FLVCR1: variants seen among roughly 807,000 people sequenced by gnomAD.
The protein encoded by FLVCR1 is FLVCR choline and heme transporter 1.
FLVCR1 carries 34 observed loss-of-function variants against 53.6 expected under a neutral mutation model. That is an observed-to-expected ratio of 0.63 (90% CI 0.48 to 0.84). The LOEUF is 0.84. Among genes scored for constraint, FLVCR1 ranks in the 40% least tolerant of loss-of-function variants. FLVCR1 has a pLI of 0.00. For synonymous variants in FLVCR1, 300 were observed against 286.3 expected, an observed-to-expected ratio of 1.05 and a Z score of -0.48; for missense variants, 677 against 696.7, an observed-to-expected ratio of 0.97 and a Z score of 0.32.
rs1241351347 is a variant in FLVCR1 at position 212,862,247 on chromosome 1, A to AACTGTT, written c.739-1474_739-1469dup. ...GTTTAGTACATTTACAGTGTTGTGC[A>AACTGTT]ACTGTTACTTCTGTCTAGTTTCAAA... On this transcript the variant is annotated intron_variant, in intron 1 of 9. Transcript: ENST00000366971. 5.9e-5 allele frequency among the ~76,000 whole-genome samples: 9 copies of AACTGTT among 152,318 alleles called. No individual in the cohort carries two copies. The East Asian group carries it at 1.3e-3, about 23-fold the overall frequency.
rs192462839 is a variant in FLVCR1 at position 212,860,485 on chromosome 1, G to A, written c.738+1295G>A. Among the ~76,000 whole-genome samples the A allele has an allele frequency of 4.0e-5, 6 of 151,530 alleles. No individual in the cohort carries two copies. The East Asian group carries it at 1.2e-3, about 30-fold the overall frequency. On this transcript the variant is annotated intron_variant, in intron 1 of 9. Transcript: ENST00000366971. ...TTACAGGTGTGAACCACCACGCCCG[G>A]CCATGATTACATTTTCTTTGTCACA...
intron 1 of FLVCR1, among the ~76,000 whole-genome samples, chr1:212,861,947 G>C (rs1664255479): frequency 1.3e-5 from 2 of 152,136 alleles, no homozygotes; most frequent in Non-Finnish European, 2.9e-5. Context: ...TGGGATTACA[G>C]GTGTGAGCCA....
At chr1:212,876,695 T>G (rs1664762492) in intron 3 of FLVCR1, among the ~76,000 whole-genome samples, 1 of 152,168 alleles carries the variant, frequency 6.6e-6, no homozygotes, top group Admixed American at 6.6e-5. Context: ...TGCATAGTAT[T>G]CCATGGTGTA....
intron 3 of FLVCR1, among the ~76,000 whole-genome samples, chr1:212,877,916 C>T (rs1360193317): frequency 6.6e-6 from 1 of 151,988 alleles, no homozygotes; most frequent in East Asian, 1.9e-4. Flanking sequence ...GGCTCAGTAA[C>T]ACAAGAAAGA....
chr1:212,883,138 A>G (rs1664967325), intron 3 of FLVCR1, among the ~76,000 whole-genome samples: 1 of 152,164 alleles, frequency 6.6e-6, no homozygotes, highest in Non-Finnish European at 1.5e-5. Context: ...ATTAGGACAG[A>G]GTTCTGCTAT....
chr1:212,887,310 C>G (rs557317741), intron 5 of FLVCR1, among the ~76,000 whole-genome samples: 1 of 152,258 alleles, frequency 6.6e-6, no homozygotes, highest in East Asian at 1.9e-4. Context: ...TGTTCTTTGC[C>G]ACTGTGGCTT....
At chr1:212,874,076 C>T (rs574228585) in intron 3 of FLVCR1, among the ~76,000 whole-genome samples, 38 of 152,292 alleles carry the variant, frequency 2.5e-4, no homozygotes, top group African/African-American at 8.7e-4. Flanking sequence ...GGCACAATCT[C>T]AGCTCATTGC....
chr1:212,859,880 G>A (rs1271855374), intron 1 of FLVCR1, among the ~76,000 whole-genome samples: 1 of 152,174 alleles, frequency 6.6e-6, no homozygotes, highest in Non-Finnish European at 1.5e-5. Context: ...TGGGTTCTGG[G>A]AAGATTGTTT....
intron 3 of FLVCR1, among the ~76,000 whole-genome samples, chr1:212,873,933 G>A (rs1313269092): frequency 6.6e-6 from 1 of 152,056 alleles, no homozygotes; most frequent in Non-Finnish European, 1.5e-5. Flanking sequence ...CATATCCTGT[G>A]TATGGCATCA....
Position 212,858,863 on chromosome 1 carries a change from C to T in FLVCR1, c.411C>T (p.Gly137=), listed in dbSNP as rs1664125372. Residue 137 remains glycine, a synonymous_variant, in exon 1 of 10, where the codon GGC becomes GGT. Transcript: ENST00000366971. ...QYSIISNVFE[G]FYGVTLLHID... is the part of the protein sequence containing the mutation. ...GCATCATTAGCAACGTCTTCGAGGGCTTCTACGGTGTCACCTTGCTGCACA... is the reference window on the plus strand; with the variant it reads ...GCATCATTAGCAACGTCTTCGAGGGTTTCTACGGTGTCACCTTGCTGCACA... The T allele has an allele frequency of 2.5e-6, 4 of 1,614,126 alleles. No individual in the cohort carries two copies. Among genetic ancestry groups the T allele is most frequent in the Non-Finnish European group, 3.4e-6 (4 of 1,180,040 alleles).
At chr1:212,893,593 TA>T (rs1665255782) in intron 8 of FLVCR1, among the ~76,000 whole-genome samples, 1 of 152,174 alleles carries the variant, frequency 6.6e-6, no homozygotes, top group South Asian at 2.1e-4. Flanking sequence ...AGTTGATTAA[TA>T]CGGCAAACTT....
chr1:212,882,045 T>C (rs139281592), intron 3 of FLVCR1, among the ~76,000 whole-genome samples: 22 of 152,330 alleles, frequency 1.4e-4, no homozygotes, highest in African/African-American at 4.6e-4. Context: ...GGCAAGGATG[T>C]GGAGCAGTAG....
At chr1:212,895,089 T>C (rs756711759) in intron 9 of FLVCR1, 36 bp downstream of exon 9, 10 of 1,389,128 alleles carry the variant, frequency 7.2e-6, no homozygotes, top group Non-Finnish European at 1.0e-5. Context: ...TGTTGAGAAG[T>C]ATGTATAGAA....
rs1237920604 is a variant in FLVCR1 at position 212,898,898 on chromosome 1, A to G, written c.*3608A>G. The stretch of plus-strand genomic sequence containing the variant: ...AACTGTAACACAATGGTATCTGTGT[A>G]ATCTAAACATAGAACAGATAATACA... On this transcript the variant is annotated 3_prime_UTR_variant, in exon 10 of 10. Transcript: ENST00000366971. The G allele has an allele frequency of 6.6e-6, 1 of 152,256 alleles. No homozygotes were observed. The highest frequency in any genetic ancestry group is 1.5e-5 in the Non-Finnish European group (1 of 68,048). The allele number at this position is 152,256 out of a possible 1,614,324, so 9.4% of individuals were successfully genotyped here.
At chr1:212,864,275 C>G (rs187731727) in intron 2 of FLVCR1, 30 of 269,474 alleles carry the variant, frequency 1.1e-4, no homozygotes, top group Non-Finnish European at 1.8e-4. Context: ...GCTAAATTCT[C>G]CCAAGGCTTT....
At chr1:212,861,772 C>G (rs969643284) in intron 1 of FLVCR1, among the ~76,000 whole-genome samples, 10 of 152,094 alleles carry the variant, frequency 6.6e-5, no homozygotes, top group Non-Finnish European at 1.5e-4. Context: ...CGGGTTCATG[C>G]CATTCTCCTG....
rs1442654468 is a variant in FLVCR1 at position 212,897,566 on chromosome 1, TAA to T, written c.*2279_*2280del. 4.6e-5 allele frequency: 7 copies of T among 152,304 alleles called. No individual in the cohort carries two copies. Among genetic ancestry groups the T allele is most frequent in the African/African-American group, 1.7e-4 (7 of 41,546 alleles). 9.4% of individuals were successfully genotyped at this position (152,304 alleles called of 1,614,324 possible). ...TACCTGAGACTGGGTAATTTATAAATAAAAGAGGTTTAAGTGGCTCACAGTTC... is the reference window on the plus strand; with the variant it reads ...TACCTGAGACTGGGTAATTTATAAATAAGAGGTTTAAGTGGCTCACAGTTC... On this transcript the variant is annotated 3_prime_UTR_variant, in exon 10 of 10. Coordinates refer to ENST00000366971, the MANE Select transcript of FLVCR1 (RefSeq NM_014053.4).
At chr1:212,885,023 A>G (rs1226352556) in intron 4 of FLVCR1, among the ~76,000 whole-genome samples, 1 of 152,182 alleles carries the variant, frequency 6.6e-6, no homozygotes, top group Non-Finnish European at 1.5e-5. Context: ...AACAAAAATC[A>G]TTGTACTTCT....
At chr1:212,876,905 T>C (rs1664768285) in intron 3 of FLVCR1, among the ~76,000 whole-genome samples, 3 of 152,280 alleles carry the variant, frequency 2.0e-5, no homozygotes, top group Middle Eastern at 3.4e-3. Context: ...GTCTTGGAAA[T>C]TGTCACACTG....
Sources: allele counts gnomAD v4.1 joint callset (sites outside exome capture counted in the v4.1 genomes callset), GRCh38; gene constraint gnomAD v4.1.1; transcripts MANE v1.5; gene names NCBI Gene and HGNC (gene_info 2026-07-23, HGNC 2026-07-21).